Variants in EP300 observed in about 807,000 individuals in gnomAD.
EP300 encodes EP300 lysine acetyltransferase.
A neutral mutation model predicts 264.0 loss-of-function variants in EP300; 31 were observed. That is an observed-to-expected ratio of 0.12 (90% CI 0.09 to 0.16). The LOEUF (loss-of-function observed/expected upper bound fraction) is 0.16, where lower values mean the gene tolerates loss of function less well. Ranked by LOEUF, EP300 falls within the 10% of genes least tolerant of loss-of-function variation. EP300 has a pLI of 1.00. For missense variants in EP300, 2,766 were observed against 3,052.9 expected (o/e 0.91, Z 2.21); for synonymous variants, 1,340 against 1,045.4 (o/e 1.28, Z -5.44).
At chr22:41,157,806 C>T (rs568111042) in intron 18 of EP300, among the ~76,000 whole-genome samples, 2 of 152,288 alleles carry the variant, frequency 1.3e-5, no homozygotes, top group Admixed American at 1.3e-4. Flanking sequence ...CAGTCATGAG[C>T]CACCTCTCCC....
chr22:41,164,582 C>T (rs139968007), intron 22 of EP300, among the ~76,000 whole-genome samples: 108 of 152,216 alleles, frequency 7.1e-4, no homozygotes, highest in African/African-American at 2.6e-3. Flanking sequence ...CGTGGTGGTG[C>T]ACGCCTGTAA....
intron 20 of EP300, 36 bp downstream of exon 20, chr22:41,160,758 G>A (rs1278442801): frequency 1.9e-6 from 3 of 1,584,382 alleles, no homozygotes; most frequent in African/African-American, 2.7e-5. Flanking sequence ...GTGCTAATTA[G>A]TTTGTTGTCC....
chr22:41,100,333 A>G (rs897545457), intron 1 of EP300, among the ~76,000 whole-genome samples: 4 of 152,220 alleles, frequency 2.6e-5, no homozygotes, highest in African/African-American at 4.8e-5. Flanking sequence ...CGGGGTAAGG[A>G]TGAACTCCTG....
At chr22:41,158,360 C>G (rs1361111954) in intron 18 of EP300, 52 bp from the exon 19 acceptor site, 4 of 1,475,704 alleles carry the variant, frequency 2.7e-6, no homozygotes, top group East Asian at 2.3e-5. Context: ...TCTTACTGTT[C>G]TAGCTTGTCC....
rs2145522671 is a variant in EP300 at position 41,178,591 on chromosome 22, C to T, written c.6880C>T (p.Leu2294=). ...CCCAAATCAGGCCCAGTCCCCACACCTACAAGGCCAGCAGATCCCTAATTC... is the reference window on the plus strand; with the variant it reads ...CCCAAATCAGGCCCAGTCCCCACACTTACAAGGCCAGCAGATCCCTAATTC... ...MLPNQAQSPH[L]QGQQIPNSLS... is the part of the protein sequence containing the mutation. The change falls in exon 31 of 31, where the codon CTA becomes TTA. Residue 2294 remains leucine, a synonymous_variant. Transcript: ENST00000263253. 6.2e-7 allele frequency: 1 copy of T among 1,614,170 alleles called. No individual in the cohort carries two copies. The highest frequency in any genetic ancestry group is 2.2e-5 in the East Asian group (1 of 44,880).
At chr22:41,099,727 A>T (rs1456449917) in intron 1 of EP300, among the ~76,000 whole-genome samples, 1 of 152,064 alleles carries the variant, frequency 6.6e-6, no homozygotes, top group African/African-American at 2.4e-5. Flanking sequence ...CTACTTTTGG[A>T]CTTAGGGACT....
rs377508897 is a variant in EP300 at position 41,178,888 on chromosome 22, C to G, written c.7177C>G (p.Leu2393Val). The G allele has an allele frequency of 1.7e-4, 272 of 1,614,080 alleles. No homozygotes were observed. Among genetic ancestry groups the G allele is most frequent in the Non-Finnish European group, 2.2e-4 (258 of 1,180,044 alleles). The change falls in exon 31 of 31, where the codon CTG becomes GTG. Residue 2393 changes from leucine to valine, a missense_variant. Leu to Val is a conservative substitution (Grantham distance 32). Coordinates refer to ENST00000263253, the MANE Select transcript of EP300 (RefSeq NM_001429.4). ...CCTCCATGGTGCAAGCGCCACGGAC[C>G]TGGGACTCAGCACCGATAACTCAGA... ...ANLHGASATD[L>V]GLSTDNSDLN...
chr22:41,139,247 G>T (rs2058968753), intron 8 of EP300, among the ~76,000 whole-genome samples: 2 of 152,266 alleles, frequency 1.3e-5, no homozygotes, highest in Non-Finnish European at 2.9e-5. Context: ...GAGCCACTGT[G>T]TCCAGCCAGG....
At chr22:41,149,538 C>A (rs1601619262) in intron 13 of EP300, among the ~76,000 whole-genome samples, 1 of 152,018 alleles carries the variant, frequency 6.6e-6, no homozygotes, top group South Asian at 2.1e-4. Context: ...GTGGCTGAGG[C>A]CATTCTGCTG....
At chr22:41,094,418 TA>T (rs2058690906) in intron 1 of EP300, among the ~76,000 whole-genome samples, 2 of 152,226 alleles carry the variant, frequency 1.3e-5, no homozygotes, top group African/African-American at 4.8e-5. Context: ...GTTGCTTTTA[TA>T]AGAAAGATGT....
At chr22:41,161,188 C>G (rs78709021) in intron 20 of EP300, among the ~76,000 whole-genome samples, 2,642 of 152,294 alleles carry the variant, frequency 0.017, 70 homozygotes, top group African/African-American at 0.061. Context: ...AACAGAAGAC[C>G]CAAGTCACTA....
chr22:41,154,943 A>G, intron 16 of EP300, 52 bp from the exon 17 acceptor site: 1 of 1,231,470 alleles, frequency 8.1e-7, no homozygotes, highest in East Asian at 2.3e-5. Flanking sequence ...GATTTTTTAA[A>G]GTTCTTCTGC....
chr22:41,164,248 T>C, intron 22 of EP300, 118 bp downstream of exon 22: 1 of 1,009,090 alleles, frequency 9.9e-7, no homozygotes, highest in Admixed American at 1.9e-5. Flanking sequence ...TTAAATTGTT[T>C]TCTTTGGGTT....
In EP300 at chr22:41,141,240, T is replaced by C. The variant is rs200658631; in HGVS notation, c.2053+18T>C. The C allele has an allele frequency of 3.4e-5, 54 of 1,610,398 alleles. No individual in the cohort carries two copies. The East Asian group carries it at 1.1e-3, about 32-fold the overall frequency. On this transcript the variant is annotated intron_variant, in intron 10 of 30. Transcript: ENST00000263253. ...GACTTCTAGTAAGTGGTTTTTGTTA[T>C]ATTTCTGTTTGAGAGAAATTGATAA... is the stretch of plus-strand genomic sequence containing the variant.
At position 41,139,160 on chromosome 22, in the gene EP300, G is replaced by C. The variant is rs1485904856; in HGVS notation, c.1761-980G>C. Among the ~76,000 whole-genome samples the C allele has an allele frequency of 2.6e-5, 4 of 152,144 alleles. No homozygotes were observed. The East Asian group carries it at 7.7e-4, about 29-fold the overall frequency. On this transcript the variant is annotated intron_variant, in intron 8 of 30. Coordinates refer to ENST00000263253, the MANE Select transcript of EP300 (RefSeq NM_001429.4). ...GTAGAGATGGGGTTTCGCCGTGTTG[G>C]CCAGGCTGGTCTCGAACTCCTGACC...
intron 1 of EP300, among the ~76,000 whole-genome samples, chr22:41,098,889 G>A (rs1358493676): frequency 6.6e-6 from 1 of 152,036 alleles, no homozygotes; most frequent in Non-Finnish European, 1.5e-5. Flanking sequence ...CACCTTATAG[G>A]AATCCACCTT....
At chr22:41,093,248 G>A in intron 1 of EP300, 150 bp downstream of exon 1, 2 of 783,850 alleles carry the variant, frequency 2.6e-6, no homozygotes, top group Non-Finnish European at 4.1e-6. Context: ...GGTCGAAGAC[G>A]TCCAGTAGCC....
At chr22:41,159,097 A>G (rs1312826782) in intron 19 of EP300, 2 of 154,518 alleles carry the variant, frequency 1.3e-5, no homozygotes, top group Non-Finnish European at 2.9e-5. Context: ...TCTCCTGCCC[A>G]ATCAATGGCT....
rs1017284148 is a variant in EP300 at position 41,092,837 on chromosome 22, C to G, written c.-168C>G. The G allele has an allele frequency of 1.3e-6, 1 of 769,578 alleles. No individual in the cohort carries two copies. Among genetic ancestry groups the G allele is most frequent in the African/African-American group, 1.7e-5 (1 of 58,058 alleles). 47.7% of individuals were successfully genotyped at this position (769,578 alleles called of 1,614,324 possible). On this transcript the variant is annotated 5_prime_UTR_variant, in exon 1 of 31. Coordinates refer to ENST00000263253, the MANE Select transcript of EP300 (RefSeq NM_001429.4). ...CCTTTTCTATCGAGTCCGCATCCCT[C>G]TCCAGCCACTGCGACCCGGCGAAGA...
Sources: allele counts gnomAD v4.1 joint callset (sites outside exome capture counted in the v4.1 genomes callset), GRCh38; gene constraint gnomAD v4.1.1; transcripts MANE v1.5; gene names NCBI Gene and HGNC (gene_info 2026-07-23, HGNC 2026-07-21).